The following RFX3 variants were observed in gnomAD, a reference collection of about 807,000 sequenced individuals.
RFX3 encodes the protein regulatory factor X3, also known as transcription factor RFX3.
Under a neutral mutation model 98.6 loss-of-function variants are expected in RFX3, and 14 were observed. The ratio of observed to expected loss-of-function variants is 0.14; its 90% CI spans 0.09 to 0.22. RFX3 has a LOEUF of 0.22. Among genes scored for constraint, RFX3 ranks in the 10% least tolerant of loss-of-function variants. The pLI is 1.00. For missense variants in RFX3, 639 were observed against 926.9 expected (o/e 0.69, Z 4.03); for synonymous variants, 383 against 328.4 (o/e 1.17, Z -1.80).
At chr9:3,251,199 A>G (rs942164427) in intron 14 of RFX3, among the ~76,000 whole-genome samples, 6 of 152,352 alleles carry the variant, frequency 3.9e-5, no homozygotes, top group Admixed American at 3.9e-4. Flanking sequence ...ATAATTGCAA[A>G]TAAAAAATGT....
intron 12 of RFX3, among the ~76,000 whole-genome samples, chr9:3,263,634 A>G (rs377444018): frequency 1.6e-4 from 24 of 152,344 alleles, no homozygotes; most frequent in African/African-American, 5.0e-4. Flanking sequence ...AGATTATCAG[A>G]GGCAACCAAC....
chr9:3,241,731 G>C (rs1299306256), intron 15 of RFX3, among the ~76,000 whole-genome samples: 1 of 152,198 alleles, frequency 6.6e-6, no homozygotes, highest in African/African-American at 2.4e-5. Flanking sequence ...TTTAGGTCTG[G>C]TCTCAGGATG....
At chr9:3,256,881 T>C in intron 14 of RFX3, 110 bp downstream of exon 14, 2 of 1,015,976 alleles carry the variant, frequency 2.0e-6, no homozygotes, top group South Asian at 3.0e-5. Flanking sequence ...TTCCACAAAC[T>C]AAAGTCTTTA....
chr9:3,508,233 C>A (rs1245856819), intron 1 of RFX3, among the ~76,000 whole-genome samples: 1 of 151,918 alleles, frequency 6.6e-6, no homozygotes, highest in African/African-American at 2.4e-5. Context: ...CCAACAAATA[C>A]AGCAGTCTAG....
intron 1 of RFX3, chr9:3,524,629 C>T: frequency 1.0e-6 from 1 of 983,980 alleles, no homozygotes; most frequent in Non-Finnish European, 1.2e-6. Context: ...ACAAAGCTTC[C>T]TTGTGTCCCT....
intron 1 of RFX3, among the ~76,000 whole-genome samples, chr9:3,408,364 G>C (rs529608250): frequency 6.6e-6 from 1 of 152,212 alleles, no homozygotes; most frequent in East Asian, 1.9e-4. Flanking sequence ...CTCTATTCCT[G>C]CTTGAGCACA....
chr9:3,412,193 T>C (rs1334683140), intron 1 of RFX3, among the ~76,000 whole-genome samples: 1 of 152,148 alleles, frequency 6.6e-6, no homozygotes. Context: ...ATAAGACCAC[T>C]AAAGGTCAAC....
At chr9:3,335,115 T>C (rs1053909751) in intron 3 of RFX3, among the ~76,000 whole-genome samples, 1 of 151,802 alleles carries the variant, frequency 6.6e-6, no homozygotes, top group African/African-American at 2.4e-5. Context: ...CGAAACTCCA[T>C]CTCAAAAAAT....
intron 1 of RFX3, among the ~76,000 whole-genome samples, chr9:3,478,392 C>T (rs1327135510): frequency 3.3e-5 from 5 of 150,406 alleles, no homozygotes; most frequent in Admixed American, 1.3e-4. Flanking sequence ...GTGTGGCCAC[C>T]GAGTTCTCTG....
rs367798915 is a variant in RFX3, at chr9:3,457,788, C to T, written c.-8-62192G>A. On this transcript the variant is annotated intron_variant, in intron 1 of 16. Transcript: ENST00000617270. ...CTTCATTCATTCAATGAATGTTTTA[C>T]CGATTGCCATCTATATGCAATTCAC... Among the ~76,000 whole-genome samples, 32 of 151,984 alleles carry T rather than the reference C, an allele frequency of 2.1e-4. 2 individuals are homozygous for T. The South Asian group carries it at 6.7e-3, about 32-fold the overall frequency.
intron 1 of RFX3, among the ~76,000 whole-genome samples, chr9:3,510,662 T>C (rs1038282763): frequency 6.6e-6 from 1 of 152,068 alleles, no homozygotes; most frequent in African/African-American, 2.4e-5. Context: ...CAGAAAAAGT[T>C]ACTACTGTAA....
chr9:3,448,039 T>G (rs535763616), intron 1 of RFX3, among the ~76,000 whole-genome samples: 11 of 152,136 alleles, frequency 7.2e-5, no homozygotes, highest in Non-Finnish European at 1.3e-4. Context: ...GCCTAGAGAT[T>G]TGGCCAGCAA....
rs79413476 is a variant in RFX3 at position 3,264,121 on chromosome 9, T to C, written c.1456-1037A>G. ...GGAAATAAACTCTTCTTAAACTCTG[T>C]TTATCCCCACCGTTGGATGCACGAT... On this transcript the variant is annotated intron_variant, in intron 12 of 16. Transcript: ENST00000617270. Among the ~76,000 whole-genome samples, 991 of 152,228 alleles carry C rather than the reference T, an allele frequency of 6.5e-3. 3 individuals carry two copies. The highest frequency in any genetic ancestry group is 0.023 in the African/African-American group (941 of 41,522).
At chr9:3,301,249 A>T (rs1482418808) in intron 5 of RFX3, among the ~76,000 whole-genome samples, 4 of 151,858 alleles carry the variant, frequency 2.6e-5, no homozygotes, top group Non-Finnish European at 5.9e-5. Flanking sequence ...GAACATTTTA[A>T]ATATTGAAAA....
intron 2 of RFX3, among the ~76,000 whole-genome samples, chr9:3,373,210 G>A (rs1269809859): frequency 6.6e-6 from 1 of 152,108 alleles, no homozygotes; most frequent in Non-Finnish European, 1.5e-5. Flanking sequence ...GAGACAGTGA[G>A]AGAGAATGGA....
At chr9:3,243,333 A>AAT (rs1219765253) in intron 15 of RFX3, among the ~76,000 whole-genome samples, 4 of 151,190 alleles carry the variant, frequency 2.6e-5, no homozygotes, top group African/African-American at 9.7e-5. Context: ...ATTTAGGCAA[A>AAT]AAAAAAAAAC....
intron 2 of RFX3, among the ~76,000 whole-genome samples, chr9:3,368,529 A>C (rs1057462732): frequency 6.6e-6 from 1 of 152,232 alleles, no homozygotes; most frequent in Non-Finnish European, 1.5e-5. Flanking sequence ...GCATTGAAAT[A>C]ATTTAAAGAT....
chr9:3,292,109 G>GAAAAAAA (rs1827464558), intron 6 of RFX3, among the ~76,000 whole-genome samples: 2 of 100,226 alleles, frequency 2.0e-5, no homozygotes, highest in African/African-American at 5.9e-5. Flanking sequence ...AACTCTTTAC[G>GAAAAAAA]AAAATACTCT....
Position 3,285,104 on chromosome 9 carries a change from T to C in RFX3, c.851+3027A>G, listed in dbSNP as rs1461151396. ...ATGTACAATTGAGCTCCAAAAGTTA[T>C]ATTTAATTAACAAAATAATCACTGC... On this transcript the variant is annotated intron_variant, in intron 7 of 16. Coordinates refer to ENST00000617270, the MANE Select transcript of RFX3 (RefSeq NM_001282116.2). Among the ~76,000 whole-genome samples the C allele has an allele frequency of 3.3e-5, 5 of 151,818 alleles. No homozygotes were observed. The Admixed American group carries it at 3.3e-4, about 10-fold the overall frequency.
Sources: allele counts gnomAD v4.1 joint callset (sites outside exome capture counted in the v4.1 genomes callset), GRCh38; gene constraint gnomAD v4.1.1; transcripts MANE v1.5; gene names NCBI Gene and HGNC (gene_info 2026-07-23, HGNC 2026-07-21).